The following ATRNL1 variants were observed in gnomAD, a reference collection of about 807,000 sequenced individuals.
ATRNL1 encodes attractin like 1.
Under a neutral mutation model 182.7 loss-of-function variants are expected in ATRNL1, and 95 were observed. The observed-to-expected ratio is 0.52, with a 90% CI of 0.44 to 0.62. The LOEUF (loss-of-function observed/expected upper bound fraction) is 0.62. Among genes scored for constraint, ATRNL1 ranks in the 20% least tolerant of loss-of-function variants. The pLI, the probability that ATRNL1 is intolerant of heterozygous loss-of-function variation, is 0.00. For missense variants in ATRNL1, 1,471 were observed against 1,679.5 expected, an observed-to-expected ratio of 0.88 and a Z score of 2.17; for synonymous variants, 576 against 568.3, an observed-to-expected ratio of 1.01 and a Z score of -0.19.
chr10:115,546,954 G>A (rs1852690898), intron 25 of ATRNL1, among the ~76,000 whole-genome samples: 1 of 152,016 alleles, frequency 6.6e-6, no homozygotes, highest in South Asian at 2.1e-4. Context: ...AGCACTGGTT[G>A]ATAAAAGTTA....
At chr10:115,165,525 G>T in intron 6 of ATRNL1, 33 bp from the exon 7 acceptor site, 1 of 1,256,084 alleles carries the variant, frequency 8.0e-7, no homozygotes, top group South Asian at 1.8e-5. Context: ...ATGAATCTTA[G>T]CTTATGAAGT....
intron 8 of ATRNL1, among the ~76,000 whole-genome samples, chr10:115,183,088 G>GA (rs1347805951): frequency 6.6e-6 from 1 of 151,282 alleles, no homozygotes; most frequent in African/African-American, 2.4e-5. Flanking sequence ...TGGAAGCATT[G>GA]AAAATAAACA....
At chr10:115,919,287 A>G (rs1952973530) in intron 28 of ATRNL1, among the ~76,000 whole-genome samples, 2 of 152,232 alleles carry the variant, frequency 1.3e-5, no homozygotes, top group African/African-American at 4.8e-5. Flanking sequence ...AAAGTTAGCT[A>G]AATTGGAAAG....
chr10:115,756,091 A>G (rs1555071956), intron 27 of ATRNL1, among the ~76,000 whole-genome samples: 1 of 151,534 alleles, frequency 6.6e-6, no homozygotes, highest in Non-Finnish European at 1.5e-5. Context: ...AGGTCTATCT[A>G]TTTCGTTGAT....
At chr10:115,910,889 A>G (rs1226763090) in intron 28 of ATRNL1, among the ~76,000 whole-genome samples, 2 of 152,168 alleles carry the variant, frequency 1.3e-5, no homozygotes, top group African/African-American at 4.8e-5. Context: ...TTCTACTAAA[A>G]TGCATGACTG....
At position 115,242,870 on chromosome 10, in the gene ATRNL1, C is replaced by T. The variant is rs1554903269; in HGVS notation, c.1687+1145C>T. On this transcript the variant is annotated intron_variant, in intron 10 of 28. Transcript: ENST00000355044. ...AATAATTTGAAGTGGTAACTCCTGA[C>T]GAACATGGGATTGTCTCAGCTTTTA... Among the ~76,000 whole-genome samples the T allele has an allele frequency of 3.3e-5, 5 of 151,960 alleles. No homozygotes were observed. The South Asian group carries it at 6.2e-4, about 19-fold the overall frequency.
intron 28 of ATRNL1, among the ~76,000 whole-genome samples, chr10:115,939,838 A>G (rs1205228619): frequency 6.6e-6 from 1 of 152,174 alleles, no homozygotes; most frequent in African/African-American, 2.4e-5. Flanking sequence ...CATCCCCAGA[A>G]GACCTCTCAC....
At chr10:115,723,192 T>G (rs550772068) in intron 26 of ATRNL1, among the ~76,000 whole-genome samples, 4 of 152,322 alleles carry the variant, frequency 2.6e-5, no homozygotes, top group African/African-American at 9.6e-5. Flanking sequence ...GGTGATCATT[T>G]CAAAGTTGAG....
At chr10:115,938,193 T>C (rs1555123341) in intron 28 of ATRNL1, among the ~76,000 whole-genome samples, 1 of 152,204 alleles carries the variant, frequency 6.6e-6, no homozygotes, top group Non-Finnish European at 1.5e-5. Context: ...TTCTGCATAA[T>C]TGTAAAAAAC....
At chr10:115,797,429 C>T (rs1555083227) in intron 27 of ATRNL1, among the ~76,000 whole-genome samples, 1 of 152,040 alleles carries the variant, frequency 6.6e-6, no homozygotes, top group Non-Finnish European at 1.5e-5. Flanking sequence ...TTTATAGGCA[C>T]CTGAAGGCTC....
At position 115,700,207 on chromosome 10, in the gene ATRNL1, A is replaced by AGTCTT. The variant is rs1555051084; in HGVS notation, c.3796-27041_3796-27040insGTCTT. ...TATTTCTTTTGGATATATACCCAGT[A>AGTCTT]ATGGGATTGCTGGGTCAAATTGTAG... On this transcript the variant is annotated intron_variant, in intron 26 of 28. Transcript: ENST00000355044. 1.3e-3 allele frequency among the ~76,000 whole-genome samples: 199 copies of AGTCTT among 152,256 alleles called. 1 individual carries two copies. The highest frequency in any genetic ancestry group is 4.6e-3 in the African/African-American group (190 of 41,556).
At chr10:115,270,200 C>CTA (rs1177534370) in intron 13 of ATRNL1, among the ~76,000 whole-genome samples, 62 of 142,618 alleles carry the variant, frequency 4.3e-4, no homozygotes, top group South Asian at 3.2e-3. Context: ...CAGAATCTGT[C>CTA]TATATATATA....
intron 5 of ATRNL1, among the ~76,000 whole-genome samples, chr10:115,158,448 A>AAG (rs1554882557): frequency 6.6e-6 from 1 of 152,084 alleles, no homozygotes; most frequent in Non-Finnish European, 1.5e-5. Context: ...TAAATTAAAA[A>AAG]AGAGGTTCCT....
chr10:115,916,788 C>T (rs1952867524), intron 28 of ATRNL1, among the ~76,000 whole-genome samples: 1 of 152,140 alleles, frequency 6.6e-6, no homozygotes, highest in South Asian at 2.1e-4. Flanking sequence ...AGCTCAGGGC[C>T]TTCTGTTTAC....
intron 28 of ATRNL1, among the ~76,000 whole-genome samples, chr10:115,943,034 CT>C (rs1953775419): frequency 6.6e-6 from 1 of 152,220 alleles, no homozygotes; most frequent in Admixed American, 6.5e-5. Flanking sequence ...CAATATGCTT[CT>C]TAAATTACCT....
chr10:115,129,586 T>G (rs371113000), intron 5 of ATRNL1, 51 bp downstream of exon 5: 1 of 1,458,400 alleles, frequency 6.9e-7, no homozygotes, highest in Non-Finnish European at 9.6e-7. Context: ...ATATATGTAA[T>G]AGATTAATAC....
At chr10:115,460,396 T>C (rs1484969548) in intron 21 of ATRNL1, among the ~76,000 whole-genome samples, 2 of 152,090 alleles carry the variant, frequency 1.3e-5, no homozygotes, top group African/African-American at 4.8e-5. Flanking sequence ...GATTTTTGCT[T>C]GGTCTTAGGA....
chr10:115,458,835 G>A (rs181024324), intron 21 of ATRNL1, among the ~76,000 whole-genome samples: 3 of 152,202 alleles, frequency 2.0e-5, no homozygotes, highest in Admixed American at 6.6e-5. Context: ...CTTTTCCTTC[G>A]TGATATTTTT....
chr10:115,428,555 C>T (rs767630336), intron 21 of ATRNL1, among the ~76,000 whole-genome samples: 1 of 151,928 alleles, frequency 6.6e-6, no homozygotes, highest in East Asian at 1.9e-4. Context: ...AGGAAATTGC[C>T]TTCTATTCCT....
Sources: gnomAD v4.1 joint callset for allele counts (sites outside exome capture counted in the v4.1 genomes callset) on GRCh38, gnomAD v4.1.1 for gene constraint, MANE v1.5 for transcripts, NCBI Gene and HGNC (gene_info 2026-07-23, HGNC 2026-07-21) for gene names.